The following MLPH variants were observed in gnomAD, a reference collection of about 807,000 sequenced individuals.
The protein encoded by MLPH is melanophilin.
A neutral mutation model predicts 72.1 loss-of-function variants in MLPH; 51 were observed. The observed-to-expected ratio is 0.71, with a 90% CI of 0.56 to 0.89. The LOEUF (loss-of-function observed/expected upper bound fraction) is 0.89, where lower values mean the gene tolerates loss of function less well. MLPH is among the 40% of genes least tolerant of loss of function. MLPH has a pLI of 0.00. For synonymous variants in MLPH, 301 were observed against 310.1 expected (o/e 0.97, Z 0.31); for missense variants, 743 against 759.9 (o/e 0.98, Z 0.26).
chr2:237,549,059 A>G (rs1238138336), intron 13 of MLPH, among the ~76,000 whole-genome samples, 162 bp from the exon 14 acceptor site: 1 of 152,224 alleles, frequency 6.6e-6, no homozygotes, highest in Non-Finnish European at 1.5e-5. Context: ...TTTATTGAAA[A>G]TGTCCATTCT....
chr2:237,503,933 G>A (rs557207174), intron 2 of MLPH, among the ~76,000 whole-genome samples: 142 of 152,304 alleles, frequency 9.3e-4, no homozygotes, highest in African/African-American at 3.2e-3. Flanking sequence ...GCCTGGACCT[G>A]GGAGATGATC....
rs2079866488 is a variant in MLPH, at chr2:237,510,471, ATGTGTC to A, written c.111-91_111-86del. The A allele has an allele frequency of 5.7e-6, 6 of 1,050,638 alleles. No homozygotes were observed. The highest frequency in any genetic ancestry group is 4.2e-4 in the Middle Eastern group (2 of 4,714). 65.1% of individuals were successfully genotyped at this position (1,050,638 alleles called of 1,614,324 possible). ...TAGGAGACAGTTACTGTGTGTGTGT[ATGTGTC>A]TGTGTCTGTGTGTGTGTGTATGTAC... On this transcript the variant is annotated intron_variant, in intron 2 of 15. Coordinates refer to ENST00000264605, the MANE Select transcript of MLPH (RefSeq NM_024101.7). This position sits in a 1 kb window ranked among gnomAD's most constrained non-coding sequence, Gnocchi z 4.4.
chr2:237,506,544 G>A lies in MLPH; in HGVS notation c.111-4030G>A, dbSNP rs140224125. 7.2e-3 allele frequency among the ~76,000 whole-genome samples: 1,098 copies of A among 152,286 alleles called. 19 individuals are homozygous for A. Among genetic ancestry groups the A allele is most frequent in the African/African-American group, 0.025 (1,059 of 41,558 alleles). ...GGGTTCATGTGAGAGGGTCATGATC[G>A]ATTGAGCAAGCAGGGGGTACGTGAC... is the stretch of plus-strand genomic sequence containing the variant. On this transcript the variant is annotated intron_variant, in intron 2 of 15. Coordinates refer to ENST00000264605, the MANE Select transcript of MLPH (RefSeq NM_024101.7).
At chr2:237,553,508 G>C (rs2081077629) in intron 15 of MLPH, 58 bp from the exon 16 acceptor site, 2 of 1,523,126 alleles carry the variant, frequency 1.3e-6, no homozygotes, top group Admixed American at 3.5e-5. Context: ...ATGTGTGTCT[G>C]TGTTACATGC....
At chr2:237,537,688 C>T (rs1398395872) in intron 9 of MLPH, 1 of 152,276 alleles carries the variant, frequency 6.6e-6, no homozygotes, top group Non-Finnish European at 1.5e-5. Context: ...TCTCAATAGG[C>T]TTCGTCCAAA....
At chr2:237,501,439 A>C (rs1008925498) in intron 2 of MLPH, among the ~76,000 whole-genome samples, 3 of 152,044 alleles carry the variant, frequency 2.0e-5, no homozygotes, top group African/African-American at 7.3e-5. Flanking sequence ...GTCTATCTGC[A>C]GTGAGTGAGA....
chr2:237,504,907 T>C (rs2079732183), intron 2 of MLPH, among the ~76,000 whole-genome samples: 1 of 152,164 alleles, frequency 6.6e-6, no homozygotes, highest in South Asian at 2.1e-4. Context: ...GGTCTTTTAT[T>C]TCCCATCTGC....
intron 9 of MLPH, among the ~76,000 whole-genome samples, chr2:237,534,869 G>T (rs1021347542): frequency 1.3e-5 from 2 of 152,170 alleles, no homozygotes; most frequent in Non-Finnish European, 2.9e-5. Context: ...CATGCCCAGA[G>T]CTTGAATGAG....
chr2:237,547,167 G>A (rs938536405), intron 13 of MLPH, among the ~76,000 whole-genome samples: 7 of 152,260 alleles, frequency 4.6e-5, no homozygotes, highest in Non-Finnish European at 7.3e-5. Flanking sequence ...CAGCGGGCCC[G>A]TGGCCTGGGG....
intron 14 of MLPH, 27 bp from the exon 15 acceptor site, chr2:237,552,310 C>T (rs756261266): frequency 2.5e-6 from 4 of 1,599,024 alleles, no homozygotes; most frequent in African/African-American, 2.7e-5. Flanking sequence ...TGATAAAGCA[C>T]CATCCCTCTT....
chr2:237,500,662 A>G (rs1000968022), intron 2 of MLPH, among the ~76,000 whole-genome samples: 4 of 151,906 alleles, frequency 2.6e-5, no homozygotes, highest in African/African-American at 4.8e-5. Context: ...CATGTCCAAA[A>G]CAGAAGTTGT....
intron 7 of MLPH, among the ~76,000 whole-genome samples, chr2:237,527,054 T>G (rs973132303): frequency 6.6e-6 from 1 of 152,222 alleles, no homozygotes; most frequent in Non-Finnish European, 1.5e-5. Flanking sequence ...AACAACATGT[T>G]TATGATCTTA....
At chr2:237,553,214 G>A (rs2081073144) in intron 15 of MLPH, 1 of 489,082 alleles carries the variant, frequency 2.0e-6, no homozygotes, top group Non-Finnish European at 4.1e-6. Context: ...GTTGGTTGCG[G>A]GAGGGGACCA....
In MLPH at chr2:237,489,155, C is replaced by T. The variant is rs191431832; in HGVS notation, c.-25+1718C>T. On this transcript the variant is annotated intron_variant, in intron 1 of 15. Coordinates refer to ENST00000264605, the MANE Select transcript of MLPH (RefSeq NM_024101.7). ...TGAACTGGGATGGGAACCCAGCTCCCACCTCTCAGCACCATCCTCCTACAG... is the reference window on the plus strand; with the variant it reads ...TGAACTGGGATGGGAACCCAGCTCCTACCTCTCAGCACCATCCTCCTACAG... 2.5e-3 allele frequency among the ~76,000 whole-genome samples: 383 copies of T among 152,368 alleles called. 2 individuals are homozygous for T. The highest frequency in any genetic ancestry group is 8.7e-3 in the African/African-American group (362 of 41,586).
In MLPH at chr2:237,540,788, C is replaced by T. The variant is rs1039833717; in HGVS notation, c.1291-14C>T. Reference sequence around the variant, plus strand: ...CTCCTGCTGCTGGTCAGCCTCCGTCCTTCTCTTTCCTAGGTGGGCACGGCT... The same window carrying T: ...CTCCTGCTGCTGGTCAGCCTCCGTCTTTCTCTTTCCTAGGTGGGCACGGCT... On this transcript the variant is annotated splice_polypyrimidine_tract_variant and intron_variant, in intron 10 of 15. Coordinates refer to ENST00000264605, the MANE Select transcript of MLPH (RefSeq NM_024101.7). 1.2e-6 allele frequency: 2 copies of T among 1,612,718 alleles called. No individual in the cohort carries two copies. Among genetic ancestry groups the T allele is most frequent in the Admixed American group, 1.7e-5 (1 of 59,966 alleles).
At chr2:237,518,883 A>G (rs2080111661) in intron 5 of MLPH, among the ~76,000 whole-genome samples, 1 of 152,182 alleles carries the variant, frequency 6.6e-6, no homozygotes, top group South Asian at 2.1e-4. Context: ...AATCTGTGTG[A>G]TGGGCAAAGC....
chr2:237,493,622 A>G, intron 2 of MLPH, 86 bp downstream of exon 2: 1 of 947,640 alleles, frequency 1.1e-6, no homozygotes, highest in Admixed American at 1.7e-5. Context: ...GGGTGGGTCA[A>G]CAGCCACGTG....
Position 237,525,814 on chromosome 2 carries a change from C to A in MLPH, c.880+9C>A, listed in dbSNP as rs569142333. ...GACTGCTGCTGCACTCGGTAGGTGC[C>A]CTTGGCCAGGGTCTTCCTGATGGGC... is the stretch of plus-strand genomic sequence containing the variant. On this transcript the variant is annotated intron_variant, in intron 7 of 15. Transcript: ENST00000264605. 3.2e-4 allele frequency: 516 copies of A among 1,609,776 alleles called. 6 individuals are homozygous for A. In the South Asian group the frequency reaches 5.2e-3, roughly 16 times the overall value.
At position 237,555,041 on chromosome 2, in the gene MLPH, G is replaced by T. The variant is rs1392933527; in HGVS notation, c.*1449G>T. The T allele has an allele frequency of 2.6e-5, 4 of 152,182 alleles. No individual in the cohort carries two copies. The highest frequency in any genetic ancestry group is 9.7e-5 in the African/African-American group (4 of 41,432). 9.4% of individuals were successfully genotyped at this position (152,182 alleles called of 1,614,324 possible). ...CCCAGCCCTTTGAGAGGCCAAGGTGGGAGAATTGCTTGAGGCCAGGAGTTT... is the reference window on the plus strand; with the variant it reads ...CCCAGCCCTTTGAGAGGCCAAGGTGTGAGAATTGCTTGAGGCCAGGAGTTT... On this transcript the variant is annotated 3_prime_UTR_variant, in exon 16 of 16. Coordinates refer to ENST00000264605, the MANE Select transcript of MLPH (RefSeq NM_024101.7).
Sources: gnomAD v4.1 joint callset for allele counts (sites outside exome capture counted in the v4.1 genomes callset) on GRCh38, gnomAD v4.1.1 for gene constraint, Gnocchi (gnomAD v3.1) non-coding constraint, MANE v1.5 for transcripts, NCBI Gene and HGNC (gene_info 2026-07-23, HGNC 2026-07-21) for gene names.